The following ADAP1 variants were observed in gnomAD, a reference collection of about 807,000 sequenced individuals.
ADAP1 encodes arf-GAP with dual PH domain-containing protein 1.
ADAP1 carries 31 observed loss-of-function variants against 54.9 expected under a neutral mutation model. That is an observed-to-expected ratio of 0.56 (90% CI 0.42 to 0.76). The LOEUF (loss-of-function observed/expected upper bound fraction) is 0.76, where lower values mean the gene tolerates loss of function less well. ADAP1 is among the 30% of genes least tolerant of loss of function. The pLI is 0.00. For missense variants in ADAP1, 535 were observed against 512.4 expected (o/e 1.04, Z -0.42); for synonymous variants, 313 against 202.6 (o/e 1.55, Z -4.63).
rs529844831 is a variant in ADAP1 at position 900,076 on chromosome 7, C to A, written c.795+26G>T. On this transcript the variant is annotated intron_variant, in intron 8 of 10. Transcript: ENST00000265846. ...CCACCATGGCGTACCCCAGGCCACC[C>A]CAGGCCGCACGTGCGGCACACCCAC... 1.9e-5 allele frequency: 30 copies of A among 1,612,636 alleles called. No individual in the cohort carries two copies. The South Asian group carries it at 3.3e-4, about 18-fold the overall frequency.
At chr7:906,932 T>C (rs1457879373) in intron 4 of ADAP1, among the ~76,000 whole-genome samples, 1 of 150,806 alleles carries the variant, frequency 6.6e-6, no homozygotes, top group Non-Finnish European at 1.5e-5. Flanking sequence ...GGACTCCAGC[T>C]GTCCTTTACT....
chr7:911,906 C>A (rs1037300493), intron 4 of ADAP1, among the ~76,000 whole-genome samples: 4 of 152,040 alleles, frequency 2.6e-5, no homozygotes, highest in Non-Finnish European at 4.4e-5. Flanking sequence ...ACCCGTCCCC[C>A]CGAGGGGCAG....
chr7:899,532 C>T (rs895528645), intron 8 of ADAP1, 42 bp from the exon 9 acceptor site: 1 of 1,593,806 alleles, frequency 6.3e-7, no homozygotes, highest in Non-Finnish European at 8.5e-7. Flanking sequence ...GTCGCCGAGG[C>T]AGGCCCTACA....
At chr7:944,255 C>CATT (rs1847083218) in intron 1 of ADAP1, among the ~76,000 whole-genome samples, 1 of 135,434 alleles carries the variant, frequency 7.4e-6, no homozygotes. Flanking sequence ...TATTTTTAAC[C>CATT]TTTTTTTTTT....
In ADAP1 at chr7:946,534, G is replaced by A. The variant is rs1847144356; in HGVS notation, c.82+7862C>T. Among the ~76,000 whole-genome samples, 3 of 151,896 alleles carry A rather than the reference G, an allele frequency of 2.0e-5. No individual in the cohort carries two copies. Among genetic ancestry groups the A allele is most frequent in the Non-Finnish European group, 2.9e-5 (2 of 67,942 alleles). ...CAGTCCATTTTCAGAATCCCCCAAG[G>A]ACCCCCCCAGGCTCTGCCCTGCCCC... On this transcript the variant is annotated intron_variant, in intron 1 of 10. Transcript: ENST00000265846. This position sits in a 1 kb window ranked among gnomAD's most constrained non-coding sequence, Gnocchi z 4.3.
intron 4 of ADAP1, 122 bp from the exon 5 acceptor site, chr7:905,294 C>A: frequency 1.3e-5 from 3 of 237,596 alleles, no homozygotes; most frequent in Non-Finnish European, 1.5e-5. Flanking sequence ...ACGGGGGACA[C>A]GGACAGGGGG....
chr7:952,679 G>T (rs1023559971), intron 1 of ADAP1, among the ~76,000 whole-genome samples: 2 of 152,124 alleles, frequency 1.3e-5, no homozygotes, highest in Non-Finnish European at 2.9e-5. Flanking sequence ...CAAGGCATCA[G>T]TCTCCCTGGC....
chr7:906,663 G>A (rs1348689861), intron 4 of ADAP1, among the ~76,000 whole-genome samples: 2 of 110,594 alleles, frequency 1.8e-5, no homozygotes, highest in Non-Finnish European at 3.5e-5. Context: ...AAGGGGGCGG[G>A]AAAGGGGACA....
chr7:905,723 G>GGAAAGGAGAAAGGA (rs1845207804), intron 4 of ADAP1: 1 of 7,096 alleles, frequency 1.4e-4, no homozygotes, highest in Non-Finnish European at 2.6e-4. Flanking sequence ...AAGGAGAAAG[G>GGAAAGGAGAAAGGA]GAAAGGAGAA....
intron 4 of ADAP1, chr7:905,499 AAGGG>A (rs1845149569): frequency 8.2e-5 from 1 of 12,144 alleles, no homozygotes; most frequent in Non-Finnish European, 1.7e-4. Flanking sequence ...GAGAAGGGAG[AAGGG>A]AGAAGGGAGA....
intron 4 of ADAP1, among the ~76,000 whole-genome samples, chr7:919,354 C>T (rs1232472518): frequency 2.0e-5 from 3 of 152,160 alleles, no homozygotes; most frequent in Non-Finnish European, 2.9e-5. Flanking sequence ...GGGCCAGCCA[C>T]GGCCCCACGA....
intron 2 of ADAP1, 46 bp downstream of exon 2, chr7:935,329 G>A: frequency 3.9e-6 from 6 of 1,538,852 alleles, no homozygotes; most frequent in Middle Eastern, 2.2e-4. Flanking sequence ...CCGGGCTGAG[G>A]CCACCCGGGG....
chr7:899,109 C>A lies in ADAP1; in HGVS notation c.1020G>T (p.Thr340=). The part of the protein sequence containing the change: ...PDRKFLFACE[T]ESDQREWVAA... Reference sequence around the variant, plus strand: ...CCACCCACTCCCTCTGGTCGGACTCCGTCTCGCAGGCAAACAGAAACTTGC... The same window carrying A: ...CCACCCACTCCCTCTGGTCGGACTCAGTCTCGCAGGCAAACAGAAACTTGC... Residue 340 remains threonine, a synonymous_variant, in exon 10 of 11, where the codon ACG becomes ACT. Coordinates refer to ENST00000265846, the MANE Select transcript of ADAP1 (RefSeq NM_006869.4). 1 of 1,608,656 alleles carries A rather than the reference C, an allele frequency of 6.2e-7. No homozygotes were observed. Among genetic ancestry groups the A allele is most frequent in the South Asian group, 1.1e-5 (1 of 91,086 alleles).
At chr7:911,641 CGGAGG>C (rs1845728923) in intron 4 of ADAP1, among the ~76,000 whole-genome samples, 1 of 23,024 alleles carries the variant, frequency 4.3e-5, no homozygotes. Context: ...GGGGGTCCCA[CGGAGG>C]GCCAGGAAGG....
At position 900,141 on chromosome 7, in the gene ADAP1, G is replaced by C. The variant is rs746495966; in HGVS notation, c.756C>G (p.Asn252Lys). ...DADLVPKLSR[N>K]YLKEGYMEKT... ...TCTCCATGTAGCCTTCCTTCAGGTA[G>C]TTCCTGGAGAGCTTTGGCACCAGCT... Residue 252 changes from asparagine to lysine, a missense_variant, in exon 8 of 11, where the codon AAC becomes AAG. Physicochemically the swap from Asn to Lys is moderately conservative, Grantham distance 94. Coordinates refer to ENST00000265846, the MANE Select transcript of ADAP1 (RefSeq NM_006869.4). 1.2e-6 allele frequency: 2 copies of C among 1,613,288 alleles called. No individual in the cohort carries two copies. Among genetic ancestry groups the C allele is most frequent in the East Asian group, 2.2e-5 (1 of 44,864 alleles).
intron 4 of ADAP1, chr7:905,415 G>T: frequency 1.2e-5 from 1 of 86,326 alleles, no homozygotes. Flanking sequence ...GAGAAAGGGA[G>T]AAAGAGAAAG....
At chr7:944,978 T>C (rs901858361) in intron 1 of ADAP1, among the ~76,000 whole-genome samples, 2 of 152,132 alleles carry the variant, frequency 1.3e-5, no homozygotes, top group Admixed American at 1.3e-4. Flanking sequence ...TCGGAAGCCC[T>C]TGAAGGCACT....
intron 3 of ADAP1, among the ~76,000 whole-genome samples, chr7:921,434 C>T (rs1477497120): frequency 6.6e-6 from 1 of 152,256 alleles, no homozygotes; most frequent in Non-Finnish European, 1.5e-5. Context: ...GATCCTCCTG[C>T]CTCGGCTTCC....
intron 4 of ADAP1, among the ~76,000 whole-genome samples, chr7:909,858 T>G (rs1189461296): frequency 1.3e-5 from 2 of 150,814 alleles, no homozygotes; most frequent in Non-Finnish European, 1.5e-5. Flanking sequence ...TGGTGTGGGG[T>G]GGGGGGGGTT....
Sources: allele counts gnomAD v4.1 joint callset (sites outside exome capture counted in the v4.1 genomes callset), GRCh38; gene constraint gnomAD v4.1.1; non-coding constraint Gnocchi (gnomAD v3.1); transcripts MANE v1.5; gene names NCBI Gene and HGNC (gene_info 2026-07-23, HGNC 2026-07-21).